The following FBXO32 variants were observed in gnomAD, a reference collection of about 807,000 sequenced individuals.
FBXO32 encodes F-box only protein 32.
In FBXO32, 15 loss-of-function variants were observed where a neutral mutation model predicts 48.3. That is an observed-to-expected ratio of 0.31 (90% CI 0.21 to 0.48). FBXO32 has a LOEUF of 0.48. Among genes scored for constraint, FBXO32 ranks in the 20% least tolerant of loss-of-function variants. The pLI is 0.99. For missense variants in FBXO32, 309 were observed against 432.7 expected (o/e 0.71, Z 2.54); for synonymous variants, 154 against 165.9 (o/e 0.93, Z 0.55).
chr8:123,518,743 G>A (rs1211171093), intron 4 of FBXO32, among the ~76,000 whole-genome samples: 1 of 152,172 alleles, frequency 6.6e-6, no homozygotes, highest in Non-Finnish European at 1.5e-5. Context: ...GCTCAGAGAA[G>A]TACTCACCTA....
chr8:123,539,144 A>T (rs1817365586), intron 1 of FBXO32, among the ~76,000 whole-genome samples: 1 of 152,154 alleles, frequency 6.6e-6, no homozygotes, highest in Non-Finnish European at 1.5e-5. Flanking sequence ...TAGGGTAAGT[A>T]TTAATACGAC....
chr8:123,535,089 C>G (rs964144378), intron 1 of FBXO32, among the ~76,000 whole-genome samples: 21 of 147,388 alleles, frequency 1.4e-4, no homozygotes, highest in Non-Finnish European at 6.0e-5. Flanking sequence ...TAATTTGACA[C>G]ACAGCACTGT....
At chr8:123,530,651 T>G in intron 4 of FBXO32, among the ~76,000 whole-genome samples, 1 of 152,238 alleles carries the variant, frequency 6.6e-6, no homozygotes. Flanking sequence ...AGTCTCGCAC[T>G]GTCGCCCAGG....
intron 1 of FBXO32, among the ~76,000 whole-genome samples, chr8:123,538,986 G>C (rs1294562990): frequency 6.6e-6 from 1 of 152,086 alleles, no homozygotes; most frequent in African/African-American, 2.4e-5. Flanking sequence ...CCGGTATAGG[G>C]TATTTTAAAA....
rs921823330 is a variant in FBXO32, at chr8:123,513,607, T to G, written c.467-225A>C. Among the ~76,000 whole-genome samples, 4 of 152,124 alleles carry G rather than the reference T, an allele frequency of 2.6e-5. No homozygotes were observed. The highest frequency in any genetic ancestry group is 5.9e-5 in the Non-Finnish European group (4 of 68,026). On this transcript the variant is annotated intron_variant, in intron 5 of 8. Transcript: ENST00000517956. This position sits in a 1 kb window ranked among gnomAD's most constrained non-coding sequence, Gnocchi z 4.3. The stretch of plus-strand genomic sequence containing the variant: ...CTAGGTCCCTCTTTGTTCTCTTCTC[T>G]CTCATTTTCTATAAAGCCTCTTTCT...
Position 123,502,779 on chromosome 8 carries a change from T to C in FBXO32, c.*594A>G, listed in dbSNP as rs149471257. 6.6e-6 allele frequency: 1 copy of C among 152,360 alleles called. No homozygotes were observed. Among genetic ancestry groups the C allele is most frequent in the East Asian group, 1.9e-4 (1 of 5,184 alleles). 9.4% of individuals were successfully genotyped at this position (152,360 alleles called of 1,614,324 possible). ...GACACTGCCTACTGGATCACATGCG[T>C]TGTCAGAGAGGGCACTCTACGCTTT... On this transcript the variant is annotated 3_prime_UTR_variant, in exon 9 of 9. Coordinates refer to ENST00000517956, the MANE Select transcript of FBXO32 (RefSeq NM_058229.4).
chr8:123,540,883 T>C lies in FBXO32; in HGVS notation c.116+16A>G. ...CAGTTTCGCGGGGGCTGGAAGTTGG[T>C]AGCGGGTCCCCTCACCTGCTGAGGT... On this transcript the variant is annotated intron_variant, in intron 1 of 8. Transcript: ENST00000517956. The surrounding 1 kb of genome is among the most constrained non-coding windows in gnomAD (Gnocchi z 6.4). 1.2e-6 allele frequency: 2 copies of C among 1,603,400 alleles called. No homozygotes were observed. Among genetic ancestry groups the C allele is most frequent in the Non-Finnish European group, 8.5e-7 (1 of 1,171,946 alleles).
chr8:123,538,163 C>T lies in FBXO32; in HGVS notation c.116+2736G>A, dbSNP rs575705620. On this transcript the variant is annotated intron_variant, in intron 1 of 8. Transcript: ENST00000517956. ...CATGATCTCACTCCTGGACACATGGCTGGGACTGGATTTGTAACATTCTAC... is the reference window on the plus strand; with the variant it reads ...CATGATCTCACTCCTGGACACATGGTTGGGACTGGATTTGTAACATTCTAC... 5.9e-5 allele frequency among the ~76,000 whole-genome samples: 9 copies of T among 152,210 alleles called. No homozygotes were observed. In the South Asian group the frequency reaches 1.5e-3, roughly 25 times the overall value.
chr8:123,523,362 C>T (rs1817001117), intron 4 of FBXO32, among the ~76,000 whole-genome samples: 1 of 152,120 alleles, frequency 6.6e-6, no homozygotes, highest in African/African-American at 2.4e-5. Flanking sequence ...GAGGCCAAGA[C>T]AGGTGGATTA....
chr8:123,516,050 A>C (rs1174619236), intron 4 of FBXO32, among the ~76,000 whole-genome samples: 1 of 152,176 alleles, frequency 6.6e-6, no homozygotes, highest in African/African-American at 2.4e-5. Context: ...TTTAGACTGG[A>C]AGGAATCTTA....
At chr8:123,504,970 A>AC (rs758532396) in intron 7 of FBXO32, among the ~76,000 whole-genome samples, 1,874 of 152,278 alleles carry the variant, frequency 0.012, 17 homozygotes, top group African/African-American at 0.029. Context: ...AACAACAACA[A>AC]AAAAACCAGG....
intron 1 of FBXO32, among the ~76,000 whole-genome samples, chr8:123,537,503 G>GA (rs150200432): frequency 1.1e-3 from 163 of 146,372 alleles, no homozygotes; most frequent in South Asian, 1.9e-3. Flanking sequence ...AGAAGGGAAT[G>GA]AAAAAAAAAA....
intron 4 of FBXO32, among the ~76,000 whole-genome samples, chr8:123,528,219 G>T (rs1042392971): frequency 5.3e-5 from 8 of 152,118 alleles, no homozygotes; most frequent in Non-Finnish European, 1.2e-4. Flanking sequence ...AGAACCACTG[G>T]GGTCACAGCA....
intron 4 of FBXO32, among the ~76,000 whole-genome samples, chr8:123,528,439 A>T (rs892104293): frequency 2.0e-4 from 30 of 152,238 alleles, no homozygotes; most frequent in African/African-American, 7.0e-4. Context: ...GTTGGTCTTG[A>T]GGTATAGGGT....
intron 1 of FBXO32, among the ~76,000 whole-genome samples, chr8:123,537,236 G>A (rs868172997): frequency 2.1e-5 from 3 of 146,144 alleles, no homozygotes; most frequent in African/African-American, 8.2e-5. Context: ...TGGAGCACAG[G>A]ATTTTTTTTT....
intron 4 of FBXO32, among the ~76,000 whole-genome samples, chr8:123,526,259 T>C (rs1472023519): frequency 2.0e-5 from 3 of 151,568 alleles, no homozygotes; most frequent in African/African-American, 7.3e-5. Context: ...AACAACAGCC[T>C]CTGTCACCCA....
chr8:123,528,550 G>T (rs1273316707), intron 4 of FBXO32, among the ~76,000 whole-genome samples: 1 of 152,166 alleles, frequency 6.6e-6, no homozygotes, highest in Non-Finnish European at 1.5e-5. Context: ...ATGTCATTGG[G>T]GCTGTGTAGG....
chr8:123,530,929 T>C lies in FBXO32; in HGVS notation c.372+969A>G, dbSNP rs183263690. On this transcript the variant is annotated intron_variant, in intron 4 of 8. Coordinates refer to ENST00000517956, the MANE Select transcript of FBXO32 (RefSeq NM_058229.4). ...AATGCACCCAGCCTTTTTTTTTTTT[T>C]CTCAAAATACGGTTTAAAATGGAAA... is the stretch of plus-strand genomic sequence containing the variant. 2.5e-3 allele frequency among the ~76,000 whole-genome samples: 380 copies of C among 151,016 alleles called. 2 individuals are homozygous for C. Among genetic ancestry groups the C allele is most frequent in the African/African-American group, 8.6e-3 (355 of 41,112 alleles).
intron 3 of FBXO32, chr8:123,532,218 C>T (rs1332512684): frequency 3.8e-6 from 5 of 1,318,640 alleles, no homozygotes; most frequent in Non-Finnish European, 3.9e-6. Context: ...ATGTCAAACA[C>T]CCCCTTTTCG....
Sources: gnomAD v4.1 joint callset for allele counts (sites outside exome capture counted in the v4.1 genomes callset) on GRCh38, gnomAD v4.1.1 for gene constraint, Gnocchi (gnomAD v3.1) non-coding constraint, MANE v1.5 for transcripts, NCBI Gene and HGNC (gene_info 2026-07-23, HGNC 2026-07-21) for gene names.